The following JAKMIP1 variants were observed in gnomAD, a reference collection of about 807,000 sequenced individuals.
The protein encoded by JAKMIP1 is janus kinase and microtubule-interacting protein 1.
JAKMIP1 carries 33 observed loss-of-function variants against 113.0 expected under a neutral mutation model. The observed-to-expected ratio is 0.29, with a 90% CI of 0.22 to 0.39. The LOEUF (loss-of-function observed/expected upper bound fraction) is 0.39, where lower values mean the gene tolerates loss of function less well. Among genes scored for constraint, JAKMIP1 ranks in the 10% least tolerant of loss-of-function variants. The pLI is 1.00. For synonymous variants in JAKMIP1, 480 were observed against 459.9 expected (o/e 1.04, Z -0.56); for missense variants, 813 against 1,080.5 (o/e 0.75, Z 3.47).
chr4:6,144,809 G>A (rs141030368), intron 1 of JAKMIP1, among the ~76,000 whole-genome samples: 17 of 152,282 alleles, frequency 1.1e-4, no homozygotes, highest in Non-Finnish European at 1.9e-4. Flanking sequence ...TTTCCCTTAA[G>A]ATCTGGAACA....
intron 3 of JAKMIP1, among the ~76,000 whole-genome samples, chr4:6,099,055 C>T (rs1712564601): frequency 6.6e-6 from 1 of 152,204 alleles, no homozygotes; most frequent in Non-Finnish European, 1.5e-5. Context: ...TGACTAAATA[C>T]ACCTTTATCC....
In JAKMIP1 at chr4:6,076,334, T is replaced by G. The variant is rs895849196; in HGVS notation, c.1302+2605A>C. 6.6e-6 allele frequency among the ~76,000 whole-genome samples: 1 copy of G among 152,210 alleles called. No individual in the cohort carries two copies. The highest frequency in any genetic ancestry group is 2.4e-5 in the African/African-American group (1 of 41,474). On this transcript the variant is annotated intron_variant, in intron 8 of 20. Coordinates refer to ENST00000409021, the MANE Select transcript of JAKMIP1 (RefSeq NM_001099433.2). This position sits in a 1 kb window ranked among gnomAD's most constrained non-coding sequence, Gnocchi z 4.8. ...TGGCTTGGTGGGAAAAGCTTGGGCCTTGTAGTCTCAGACTTGAGTTTGAAA... is the reference window on the plus strand; with the variant it reads ...TGGCTTGGTGGGAAAAGCTTGGGCCGTGTAGTCTCAGACTTGAGTTTGAAA...
chr4:6,088,891 T>C lies in JAKMIP1; in HGVS notation c.625-3262A>G, dbSNP rs147513169. Among the ~76,000 whole-genome samples, 20 of 152,300 alleles carry C rather than the reference T, an allele frequency of 1.3e-4. No individual in the cohort carries two copies. Among genetic ancestry groups the C allele is most frequent in the African/African-American group, 4.6e-4 (19 of 41,578 alleles). ...TTCTCCCATACGCCCAGTCTCAGCA[T>C]GTGCAGTAGGAAAGGGGTGGAACGA... On this transcript the variant is annotated intron_variant, in intron 3 of 20. Coordinates refer to ENST00000409021, the MANE Select transcript of JAKMIP1 (RefSeq NM_001099433.2). This position sits in a 1 kb window ranked among gnomAD's most constrained non-coding sequence, Gnocchi z 5.5.
At chr4:6,148,816 C>T (rs1721199516) in intron 1 of JAKMIP1, among the ~76,000 whole-genome samples, 2 of 152,252 alleles carry the variant, frequency 1.3e-5, no homozygotes, top group Admixed American at 1.3e-4. Context: ...CATCCTCAGG[C>T]CTGGCCTAGA....
intron 11 of JAKMIP1, among the ~76,000 whole-genome samples, chr4:6,058,045 C>T (rs900987365): frequency 5.3e-5 from 8 of 152,238 alleles, no homozygotes; most frequent in African/African-American, 1.9e-4. Flanking sequence ...CAAACTGATT[C>T]AGCGTCCCAG....
chr4:6,159,566 C>T (rs748352496), intron 1 of JAKMIP1, among the ~76,000 whole-genome samples: 3 of 152,006 alleles, frequency 2.0e-5, no homozygotes, highest in Non-Finnish European at 4.4e-5. Context: ...AAAGAAGAAA[C>T]GCAAATGGCC....
chr4:6,124,112 C>T (rs996383471), intron 1 of JAKMIP1, among the ~76,000 whole-genome samples: 5 of 152,182 alleles, frequency 3.3e-5, no homozygotes, highest in African/African-American at 9.6e-5. Context: ...CCACCATTCC[C>T]GCCATGGCCC....
At chr4:6,152,196 C>T (rs34882066) in intron 1 of JAKMIP1, among the ~76,000 whole-genome samples, 31,000 of 151,980 alleles carry the variant, frequency 0.2, 4,239 homozygotes, top group African/African-American at 0.39. Flanking sequence ...CAAATCAACT[C>T]GGAATAAAAC....
rs147276214 is a variant in JAKMIP1, at chr4:6,031,658, C to A, written c.2380-1877G>T. Among the ~76,000 whole-genome samples the A allele has an allele frequency of 6.2e-4, 94 of 152,198 alleles. No homozygotes were observed. Among genetic ancestry groups the A allele is most frequent in the African/African-American group, 2.0e-3 (83 of 41,524 alleles). On this transcript the variant is annotated intron_variant, in intron 19 of 20. Transcript: ENST00000409021. The surrounding 1 kb of genome is among the most constrained non-coding windows in gnomAD (Gnocchi z 4.4). ...ACAGCTTTGGGGTTGCCATGGGGAGCCAGTGACGGGTTCTAAGCAGGGAAA... is the reference window on the plus strand; with the variant it reads ...ACAGCTTTGGGGTTGCCATGGGGAGACAGTGACGGGTTCTAAGCAGGGAAA...
chr4:6,080,976 A>G lies in JAKMIP1; in HGVS notation c.1101+633T>C, dbSNP rs1253578484. On this transcript the variant is annotated intron_variant, in intron 6 of 20. Coordinates refer to ENST00000409021, the MANE Select transcript of JAKMIP1 (RefSeq NM_001099433.2). The surrounding 1 kb of genome is among the most constrained non-coding windows in gnomAD (Gnocchi z 6.0). ...CAGGGGAAGGAGAGGACTTCACACA[A>G]CAGCAATTACACACACACACACACA... Among the ~76,000 whole-genome samples the G allele has an allele frequency of 2.8e-5, 1 of 35,100 alleles. No homozygotes were observed. The highest frequency in any genetic ancestry group is 1.8e-4 in the African/African-American group (1 of 5,706). The allele number at this position is 35,100 out of a possible 152,430, so 23.0% of individuals were successfully genotyped here.
rs1342487973 is a variant in JAKMIP1, at chr4:6,125,863, CTCGCGCCAT to C, written c.-147-12875_-147-12867del. Among the ~76,000 whole-genome samples the C allele has an allele frequency of 8.6e-3, 24 of 2,784 alleles. 5 individuals carry two copies. The highest frequency in any genetic ancestry group is 0.054 in the East Asian group (3 of 56). 1.8% of individuals were successfully genotyped at this position (2,784 alleles called of 152,430 possible). On this transcript the variant is annotated intron_variant, in intron 1 of 20. Coordinates refer to ENST00000409021, the MANE Select transcript of JAKMIP1 (RefSeq NM_001099433.2). ...CACACACACACCCCCCATACAGAAA[CTCGCGCCAT>C]ACACTCCATACACACCATGCAGAAA... is the stretch of plus-strand genomic sequence containing the variant.
At chr4:6,028,332 C>A (rs971361519) in intron 20 of JAKMIP1, among the ~76,000 whole-genome samples, 1 of 152,236 alleles carries the variant, frequency 6.6e-6, no homozygotes, top group African/African-American at 2.4e-5. Flanking sequence ...ATGAGAGCAA[C>A]AAGGGAACTG....
Position 6,138,561 on chromosome 4 carries a change from G to A in JAKMIP1, c.-147-25564C>T, listed in dbSNP as rs1399792847. On this transcript the variant is annotated intron_variant, in intron 1 of 20. Transcript: ENST00000409021. The surrounding 1 kb of genome is among the most constrained non-coding windows in gnomAD (Gnocchi z 6.0). ...CTAGAATCCAAGTTAAAATTAAAGA[G>A]GGACACACAAAACCATTTTAAACAC... is the stretch of plus-strand genomic sequence containing the variant. Among the ~76,000 whole-genome samples, 1 of 152,080 alleles carries A rather than the reference G, an allele frequency of 6.6e-6. No individual in the cohort carries two copies. The highest frequency in any genetic ancestry group is 1.5e-5 in the Non-Finnish European group (1 of 68,032).
Position 6,135,181 on chromosome 4 carries a change from C to T in JAKMIP1, c.-147-22184G>A, listed in dbSNP as rs1719052030. ...AATTCTTATGTTGAATCCCCAACCC[C>T]CAGCACCTCAGGACTTCATGTTTGG... is the stretch of plus-strand genomic sequence containing the variant. On this transcript the variant is annotated intron_variant, in intron 1 of 20. Transcript: ENST00000409021. This position sits in a 1 kb window ranked among gnomAD's most constrained non-coding sequence, Gnocchi z 4.9. Among the ~76,000 whole-genome samples the T allele has an allele frequency of 6.6e-6, 1 of 152,138 alleles. No individual in the cohort carries two copies. The highest frequency in any genetic ancestry group is 2.1e-4 in the South Asian group (1 of 4,820).
At chr4:6,063,973 G>A (rs1330640874) in intron 9 of JAKMIP1, among the ~76,000 whole-genome samples, 6 of 152,210 alleles carry the variant, frequency 3.9e-5, no homozygotes, top group East Asian at 3.9e-4. Flanking sequence ...TGCCCCTGCC[G>A]GAGGGCACTG....
At chr4:6,148,592 C>T (rs981265207) in intron 1 of JAKMIP1, among the ~76,000 whole-genome samples, 3 of 152,262 alleles carry the variant, frequency 2.0e-5, no homozygotes, top group African/African-American at 7.2e-5. Context: ...CATTCACCAG[C>T]ATTTCCTGGT....
At position 6,065,397 on chromosome 4, in the gene JAKMIP1, A is replaced by G. The variant is rs1246084903; in HGVS notation, c.1303-389T>C. Among the ~76,000 whole-genome samples, 1 of 152,224 alleles carries G rather than the reference A, an allele frequency of 6.6e-6. No homozygotes were observed. Among genetic ancestry groups the G allele is most frequent in the Non-Finnish European group, 1.5e-5 (1 of 68,048 alleles). Reference sequence around the variant, plus strand: ...CCAGAAAGCAGCCCAGCACTCCGTCACGCTCCATGAGCAGCGCACTGGCTG... The same window carrying G: ...CCAGAAAGCAGCCCAGCACTCCGTCGCGCTCCATGAGCAGCGCACTGGCTG... On this transcript the variant is annotated intron_variant, in intron 8 of 20. Transcript: ENST00000409021. The surrounding 1 kb of genome is among the most constrained non-coding windows in gnomAD (Gnocchi z 5.1).
At position 6,108,549 on chromosome 4, in the gene JAKMIP1, C is replaced by T. The variant is rs1393522144; in HGVS notation, c.130-2582G>A. Among the ~76,000 whole-genome samples, 3 of 152,118 alleles carry T rather than the reference C, an allele frequency of 2.0e-5. No homozygotes were observed. Among genetic ancestry groups the T allele is most frequent in the Admixed American group, 6.5e-5 (1 of 15,270 alleles). On this transcript the variant is annotated intron_variant, in intron 2 of 20. Coordinates refer to ENST00000409021, the MANE Select transcript of JAKMIP1 (RefSeq NM_001099433.2). This position sits in a 1 kb window ranked among gnomAD's most constrained non-coding sequence, Gnocchi z 5.6. ...TGAGTCAGATTCACCCCTTTCCATC[C>T]TCATCCTCATCCAATCCAGCAGCAC...
At chr4:6,161,093 T>C (rs1218938085) in intron 1 of JAKMIP1, among the ~76,000 whole-genome samples, 1 of 136,580 alleles carries the variant, frequency 7.3e-6, no homozygotes, top group Admixed American at 7.2e-5. Flanking sequence ...TCCTCCGAGC[T>C]CCACTCACCT....
Sources: gnomAD v4.1 joint callset for allele counts (sites outside exome capture counted in the v4.1 genomes callset) on GRCh38, gnomAD v4.1.1 for gene constraint, Gnocchi (gnomAD v3.1) non-coding constraint, MANE v1.5 for transcripts, NCBI Gene and HGNC (gene_info 2026-07-23, HGNC 2026-07-21) for gene names.